Variants in SGSM2 observed in about 807,000 individuals in gnomAD.
SGSM2 encodes the protein small G protein signaling modulator 2.
In SGSM2, 89 loss-of-function variants were observed where a neutral mutation model predicts 126.6. That is an observed-to-expected ratio of 0.70 (90% CI 0.59 to 0.84). The LOEUF (loss-of-function observed/expected upper bound fraction) is 0.84, where lower values mean the gene tolerates loss of function less well. Among genes scored for constraint, SGSM2 ranks in the 40% least tolerant of loss-of-function variants. The pLI is 0.00. For missense variants in SGSM2, 1,404 were observed against 1,416.6 expected, an observed-to-expected ratio of 0.99 and a Z score of 0.14; for synonymous variants, 614 against 574.3, an observed-to-expected ratio of 1.07 and a Z score of -0.99.
intron 2 of SGSM2, among the ~76,000 whole-genome samples, chr17:2,347,660 A>G (rs1286017360): frequency 6.8e-6 from 1 of 147,578 alleles, no homozygotes; most frequent in Non-Finnish European, 1.5e-5. Context: ...TTTTTTTTCC[A>G]GATGAGGTCT....
intron 1 of SGSM2, among the ~76,000 whole-genome samples, chr17:2,340,624 G>T (rs865973420): frequency 2.1e-5 from 3 of 145,442 alleles, no homozygotes; most frequent in African/African-American, 7.7e-5. Context: ...TCGCTCTGTT[G>T]CCCAGGCTGG....
At chr17:2,368,269 G>A (rs1199997365) in intron 12 of SGSM2, among the ~76,000 whole-genome samples, 2 of 152,158 alleles carry the variant, frequency 1.3e-5, no homozygotes, top group African/African-American at 2.4e-5. Context: ...GAGCTGGCTT[G>A]GTAGAGAGGG....
intron 13 of SGSM2, chr17:2,371,718 C>T: frequency 7.2e-6 from 3 of 417,988 alleles, no homozygotes; most frequent in Non-Finnish European, 1.3e-5. Flanking sequence ...TGTGCCGGCA[C>T]ATCATGGGCT....
chr17:2,358,289 G>T (rs2065162715), intron 2 of SGSM2, among the ~76,000 whole-genome samples: 1 of 152,240 alleles, frequency 6.6e-6, no homozygotes, highest in African/African-American at 2.4e-5. Context: ...CCCCGGGGAA[G>T]GAGGACACTG....
intron 12 of SGSM2, among the ~76,000 whole-genome samples, chr17:2,370,341 G>T (rs74559599): frequency 0.075 from 11,368 of 152,296 alleles, 626 homozygotes; most frequent in African/African-American, 0.15. Context: ...CCTGCCCCAC[G>T]TGGGCCGTGG....
At position 2,367,444 on chromosome 17, in the gene SGSM2, A is replaced by G. The variant is rs879868513; in HGVS notation, c.1423+39A>G. ...CCTCTCCCTGACCCACCTCATCCCC[A>G]CCCTCCCTCCCGGGCCCGCCTGCCA... On this transcript the variant is annotated intron_variant, in intron 12 of 23. Transcript: ENST00000268989. The surrounding 1 kb of genome is among the most constrained non-coding windows in gnomAD (Gnocchi z 4.0). 3 of 1,320,450 alleles carry G rather than the reference A, an allele frequency of 2.3e-6. No individual in the cohort carries two copies. The highest frequency in any genetic ancestry group is 1.7e-5 in the African/African-American group (1 of 57,566). The allele number at this position is 1,320,450 out of a possible 1,614,324, so 81.8% of individuals were successfully genotyped here.
rs575017697 is a variant in SGSM2, at chr17:2,379,300, G to T, written c.3067+97G>T. On this transcript the variant is annotated intron_variant, in intron 23 of 23. Transcript: ENST00000268989. Reference sequence around the variant, plus strand: ...AGCTGGAGGGTTCTCAGGAATCCTGGGGGCCCTTCCCCAAAGGCCGGGATG... The same window carrying T: ...AGCTGGAGGGTTCTCAGGAATCCTGTGGGCCCTTCCCCAAAGGCCGGGATG... 4 of 1,565,818 alleles carry T rather than the reference G, an allele frequency of 2.6e-6. No individual in the cohort carries two copies. In the African/African-American group the frequency reaches 5.4e-5, roughly 21 times the overall value.
chr17:2,337,807 A>G lies in SGSM2; in HGVS notation c.57+62A>G. 7.5e-7 allele frequency: 1 copy of G among 1,334,376 alleles called. No homozygotes were observed. Among genetic ancestry groups the G allele is most frequent in the Non-Finnish European group, 1.0e-6 (1 of 997,882 alleles). 82.7% of individuals were successfully genotyped at this position (1,334,376 alleles called of 1,614,324 possible). The stretch of plus-strand genomic sequence containing the variant: ...CTGGCCCGCGCGGCCCAGGGGGCAG[A>G]AAGGTCCGCGCCCACCCCCCGGCGC... On this transcript the variant is annotated intron_variant, in intron 1 of 23. Transcript: ENST00000268989. This position sits in a 1 kb window ranked among gnomAD's most constrained non-coding sequence, Gnocchi z 5.1.
At chr17:2,355,684 TG>T (rs1203412136) in intron 2 of SGSM2, among the ~76,000 whole-genome samples, 3 of 1,644 alleles carry the variant, frequency 1.8e-3, no homozygotes, top group Middle Eastern at 0.25. Context: ...GTGTAAGAGT[TG>T]GGGGAAGGGA....
chr17:2,375,763 G>A lies in SGSM2; in HGVS notation c.2372G>A (p.Gly791Asp), dbSNP rs1405024454. 1 of 1,599,576 alleles carries A rather than the reference G, an allele frequency of 6.3e-7. No homozygotes were observed. The highest frequency in any genetic ancestry group is 1.1e-5 in the South Asian group (1 of 89,876). Residue 791 changes from glycine to aspartate, a missense_variant, in exon 18 of 24, where the codon GGC (glycine) becomes GAC (aspartate). Coordinates refer to ENST00000268989, the MANE Select transcript of SGSM2 (RefSeq NM_014853.3). ...GGGEEGSSGP[G>D]PAAHTLREPQ... Reference sequence around the variant, plus strand: ...GGGGAGGAAGGCTCCAGTGGGCCCGGCCCTGCAGCTCACACTTTGAGGGAG... The same window carrying A: ...GGGGAGGAAGGCTCCAGTGGGCCCGACCCTGCAGCTCACACTTTGAGGGAG...
At chr17:2,378,945 CCAGCCTCAATCCCAGCCT>C (rs1004698314) in intron 22 of SGSM2, 73 bp from the exon 23 acceptor site, 109 of 1,426,472 alleles carry the variant, frequency 7.6e-5, no homozygotes, top group African/African-American at 1.9e-4. Flanking sequence ...AGCCTCAGCC[CCAGCCTCAATCCCAGCCT>C]CAGCCTCAAT....
rs371838466 is a variant in SGSM2, at chr17:2,364,683, G to A, written c.1000+20G>A. 73 of 1,613,848 alleles carry A rather than the reference G, an allele frequency of 4.5e-5. No homozygotes were observed. The highest frequency in any genetic ancestry group is 6.1e-5 in the Non-Finnish European group (72 of 1,179,906). On this transcript the variant is annotated intron_variant, in intron 9 of 23. Transcript: ENST00000268989. ...AGCAAAGTAAGCCTGCCTTGTCCTC[G>A]GCTCGGGTGGGAAGGGAGAGGCTGC...
Position 2,367,460 on chromosome 17 carries a change from C to T in SGSM2, c.1423+55C>T, listed in dbSNP as rs1476143545. On this transcript the variant is annotated intron_variant, in intron 12 of 23. Transcript: ENST00000268989. This position sits in a 1 kb window ranked among gnomAD's most constrained non-coding sequence, Gnocchi z 4.0. ...CTCATCCCCACCCTCCCTCCCGGGC[C>T]CGCCTGCCACCCACCACAGGGGTTC... is the stretch of plus-strand genomic sequence containing the variant. 2.5e-6 allele frequency: 4 copies of T among 1,576,770 alleles called. No individual in the cohort carries two copies. In the African/African-American group the frequency reaches 4.0e-5, roughly 16 times the overall value.
In SGSM2 at chr17:2,372,180, G is replaced by A. The variant is rs1021260801; in HGVS notation, c.1578-10G>A. ...CAGCCCCTCCCTGCTGAGCCCGGTT[G>A]TTGCCACAGGTTGCCGCTCAGGCTA... On this transcript the variant is annotated splice_polypyrimidine_tract_variant and intron_variant, in intron 13 of 23. Coordinates refer to ENST00000268989, the MANE Select transcript of SGSM2 (RefSeq NM_014853.3). This position sits in a 1 kb window ranked among gnomAD's most constrained non-coding sequence, Gnocchi z 6.0. 5 of 1,613,142 alleles carry A rather than the reference G, an allele frequency of 3.1e-6. No individual in the cohort carries two copies. The highest frequency in any genetic ancestry group is 4.2e-6 in the Non-Finnish European group (5 of 1,179,778).
In SGSM2 at chr17:2,362,161, G is replaced by C. The variant is rs527539963; in HGVS notation, c.349G>C (p.Gly117Arg). ...EALRRQGSAS[G>R]KAPALSPQAL... Reference sequence around the variant, plus strand: ...CCTGCGGAGACAGGGCTCAGCCAGCGGGAAGGCCCCGGCCCTCAGCCCTCA... The same window carrying C: ...CCTGCGGAGACAGGGCTCAGCCAGCCGGAAGGCCCCGGCCCTCAGCCCTCA... The change falls in exon 4 of 24, where the codon GGG becomes CGG. Residue 117 changes from glycine (G) to arginine (R), a missense_variant. Transcript: ENST00000268989. This position sits in a 1 kb window ranked among gnomAD's most constrained non-coding sequence, Gnocchi z 4.9. 1.9e-6 allele frequency: 3 copies of C among 1,613,800 alleles called. No individual in the cohort carries two copies. The highest frequency in any genetic ancestry group is 1.3e-5 in the African/African-American group (1 of 74,940).
chr17:2,341,087 C>T (rs1014925622), intron 1 of SGSM2, among the ~76,000 whole-genome samples: 1 of 152,094 alleles, frequency 6.6e-6, no homozygotes, highest in African/African-American at 2.4e-5. Flanking sequence ...CTGTTGAATG[C>T]TAACATCCTT....
At chr17:2,353,556 A>G (rs950928049) in intron 2 of SGSM2, among the ~76,000 whole-genome samples, 9 of 152,252 alleles carry the variant, frequency 5.9e-5, no homozygotes, top group East Asian at 3.9e-4. Flanking sequence ...TGAGCTCAGG[A>G]GTTCGAGACC....
At chr17:2,368,295 A>G (rs2151597971) in intron 12 of SGSM2, among the ~76,000 whole-genome samples, 1 of 152,218 alleles carries the variant, frequency 6.6e-6, no homozygotes, top group South Asian at 2.1e-4. Flanking sequence ...CCCTCTTTTC[A>G]GCAAGCAATC....
At chr17:2,368,479 T>C (rs2151599013) in intron 12 of SGSM2, among the ~76,000 whole-genome samples, 1 of 152,272 alleles carries the variant, frequency 6.6e-6, no homozygotes, top group Admixed American at 6.5e-5. Flanking sequence ...CCTCAGAATA[T>C]GTCACACTCC....
Sources: gnomAD v4.1 joint callset for allele counts (sites outside exome capture counted in the v4.1 genomes callset) on GRCh38, gnomAD v4.1.1 for gene constraint, Gnocchi (gnomAD v3.1) non-coding constraint, MANE v1.5 for transcripts, NCBI Gene and HGNC (gene_info 2026-07-23, HGNC 2026-07-21) for gene names.